The following ABCG8 variants were observed in gnomAD, a reference collection of about 807,000 sequenced individuals.
The protein encoded by ABCG8 is ATP binding cassette subfamily G member 8.
In ABCG8, 81 loss-of-function variants were observed where a neutral mutation model predicts 71.3. The ratio of observed to expected loss-of-function variants is 1.14; its 90% CI spans 0.95 to 1.37. The LOEUF (loss-of-function observed/expected upper bound fraction) is 1.37. Ranked by LOEUF, ABCG8 falls within the 40% of genes most tolerant of loss-of-function variation. ABCG8 has a pLI of 0.00. For missense variants in ABCG8, 1,119 were observed against 866.2 expected, an observed-to-expected ratio of 1.29 and a Z score of -3.66; for synonymous variants, 451 against 354.7, an observed-to-expected ratio of 1.27 and a Z score of -3.05.
At chr2:43,845,290 G>A (rs537640534) in intron 2 of ABCG8, among the ~76,000 whole-genome samples, 2 of 152,158 alleles carry the variant, frequency 1.3e-5, no homozygotes, top group South Asian at 2.1e-4. Context: ...CTGGGATGGT[G>A]AACTTCAGAG....
chr2:43,857,754 G>A (rs536091853), intron 6 of ABCG8, among the ~76,000 whole-genome samples: 2 of 151,116 alleles, frequency 1.3e-5, no homozygotes, highest in South Asian at 4.2e-4. Context: ...CAACATCTGA[G>A]GATAGATTTC....
At chr2:43,840,009 G>T (rs1192989437) in intron 1 of ABCG8, among the ~76,000 whole-genome samples, 3 of 152,220 alleles carry the variant, frequency 2.0e-5, no homozygotes, top group Middle Eastern at 3.2e-3. Flanking sequence ...TCAAGAAATA[G>T]CCTTTGACTG....
At chr2:43,851,563 A>T in intron 3 of ABCG8, 21 bp from the exon 4 acceptor site, 1 of 1,613,834 alleles carries the variant, frequency 6.2e-7, no homozygotes, top group Non-Finnish European at 8.5e-7. Flanking sequence ...GCTCTCAGGG[A>T]TATCCCTGGT....
In ABCG8 at chr2:43,846,321, A is replaced by T. The variant is rs766026570; in HGVS notation, c.322+10A>T. 1.2e-6 allele frequency: 2 copies of T among 1,614,152 alleles called. No homozygotes were observed. Among genetic ancestry groups the T allele is most frequent in the South Asian group, 2.2e-5 (2 of 91,076 alleles). ...ATCATAGGGAGCTCAGGTACCGGAA[A>T]GGCAAATCGCTGGGCAATGGTTTCT... is the stretch of plus-strand genomic sequence containing the variant. On this transcript the variant is annotated intron_variant, in intron 3 of 12. Coordinates refer to ENST00000272286, the MANE Select transcript of ABCG8 (RefSeq NM_022437.3).
chr2:43,877,245 C>G (rs1203354309), intron 11 of ABCG8, among the ~76,000 whole-genome samples: 1 of 143,334 alleles, frequency 7.0e-6, no homozygotes, highest in Non-Finnish European at 1.5e-5. Context: ...TGGGGGAGGC[C>G]GTGTCAATAT....
chr2:43,844,638 G>C (rs1019880814), intron 2 of ABCG8, 30 bp downstream of exon 2: 7 of 1,553,576 alleles, frequency 4.5e-6, no homozygotes, highest in Non-Finnish European at 6.2e-6. Flanking sequence ...CAAGGGGAGA[G>C]GAGCAGGCAG....
rs768224334 is a variant in ABCG8 at position 43,873,970 on chromosome 2, G to A, written c.1395G>A (p.Leu465=). 1 of 1,614,004 alleles carries A rather than the reference G, an allele frequency of 6.2e-7. No individual in the cohort carries two copies. The highest frequency in any genetic ancestry group is 8.5e-7 in the Non-Finnish European group (1 of 1,180,032). ...IGALIPFNVI[L]DVISKCYSER... is the part of the protein sequence containing the mutation. ...CTCTCATCCCTTTCAACGTCATTCT[G>A]GATGTCATCTCCAAATGTGAGTGTG... Residue 465 remains leucine, a synonymous_variant, in exon 9 of 13, where the codon CTG becomes CTA. Transcript: ENST00000272286.
intron 1 of ABCG8, among the ~76,000 whole-genome samples, chr2:43,839,403 C>CATTTTT: frequency 1.7e-5 from 1 of 59,296 alleles, no homozygotes; most frequent in Non-Finnish European, 3.2e-5. Flanking sequence ...CTTTTCTTCT[C>CATTTTT]TTTTTTTTTT....
intron 6 of ABCG8, among the ~76,000 whole-genome samples, chr2:43,854,624 C>T (rs552118226): frequency 1.3e-5 from 1 of 77,224 alleles, no homozygotes. Flanking sequence ...GAGACTCCAT[C>T]TCAAAAAAAA....
intron 3 of ABCG8, among the ~76,000 whole-genome samples, chr2:43,850,323 C>T (rs990784595): frequency 6.6e-6 from 1 of 152,228 alleles, no homozygotes; most frequent in Non-Finnish European, 1.5e-5. Context: ...ATAGCTTGAA[C>T]AGCTGTCACA....
intron 1 of ABCG8, among the ~76,000 whole-genome samples, chr2:43,841,894 G>C (rs1668591037): frequency 6.6e-6 from 1 of 152,180 alleles, no homozygotes; most frequent in African/African-American, 2.4e-5. Flanking sequence ...GTTTTGGCCA[G>C]CAGAAGTAAT....
intron 8 of ABCG8, 83 bp from the exon 9 acceptor site, chr2:43,873,704 G>T: frequency 7.1e-7 from 1 of 1,417,126 alleles, no homozygotes; most frequent in Non-Finnish European, 1.0e-6. Flanking sequence ...AGAAAAATGA[G>T]GCTTATGGAG....
intron 3 of ABCG8, 175 bp downstream of exon 3, chr2:43,846,486 C>T (rs1391579944): frequency 3.3e-6 from 3 of 920,306 alleles, no homozygotes; most frequent in Admixed American, 4.2e-5. Flanking sequence ...CTGGCTCCTC[C>T]ATTTGCTGGC....
chr2:43,861,008 A>G (rs72796783), intron 6 of ABCG8, among the ~76,000 whole-genome samples: 7,761 of 147,652 alleles, frequency 0.053, 245 homozygotes, highest in Middle Eastern at 0.11. Flanking sequence ...AATTCTCACC[A>G]TCTGGTTAGA....
chr2:43,875,065 G>T, intron 10 of ABCG8, 81 bp from the exon 11 acceptor site: 3 of 1,592,208 alleles, frequency 1.9e-6, no homozygotes, highest in Non-Finnish European at 2.6e-6. Flanking sequence ...TGCTATCTGG[G>T]GGCACTGCTA....
Position 43,846,242 on chromosome 2 carries a change from G to A in ABCG8, c.253G>A (p.Glu85Lys), listed in dbSNP as rs1668739038. Residue 85 changes from glutamate to lysine, a missense_variant, in exon 3 of 13, where the codon GAG (glutamate) becomes AAG (lysine). Transcript: ENST00000272286. ...ATCTCCCAGCTGCCAGAATTCTTGT[G>A]AGCTGGGCATCCAGAACCTAAGCTT... ...WTSPSCQNSC[E>K]LGIQNLSFKV... 3.1e-6 allele frequency: 5 copies of A among 1,614,036 alleles called. No homozygotes were observed. Among genetic ancestry groups the A allele is most frequent in the Non-Finnish European group, 4.2e-6 (5 of 1,180,042 alleles).
intron 6 of ABCG8, among the ~76,000 whole-genome samples, chr2:43,863,639 T>C (rs540379997): frequency 2.0e-5 from 3 of 151,636 alleles, no homozygotes; most frequent in Non-Finnish European, 3.0e-5. Context: ...ACCATCTGGA[T>C]AGAACTCTCA....
chr2:43,845,528 A>T (rs1025787076), intron 2 of ABCG8, among the ~76,000 whole-genome samples: 4 of 152,234 alleles, frequency 2.6e-5, no homozygotes, highest in Non-Finnish European at 5.9e-5. Context: ...TAAACATCTG[A>T]TAAATTATTA....
chr2:43,860,768 TCACTATCTGCTGTATAGA>T (rs1465256772), intron 6 of ABCG8, among the ~76,000 whole-genome samples: 8 of 150,880 alleles, frequency 5.3e-5, no homozygotes, highest in Non-Finnish European at 8.9e-5. Context: ...GATAGAACTC[TCACTATCTGCTGTATAGA>T]ATTCTCACCC....
Sources: allele counts gnomAD v4.1 joint callset (sites outside exome capture counted in the v4.1 genomes callset), GRCh38; gene constraint gnomAD v4.1.1; transcripts MANE v1.5; gene names NCBI Gene and HGNC (gene_info 2026-07-23, HGNC 2026-07-21).